Variants in NKAIN2 observed in about 807,000 individuals in gnomAD.
The protein encoded by NKAIN2 is sodium/potassium transporting ATPase interacting 2, also known as sodium/potassium-transporting ATPase subunit beta-1-interacting protein 2.
NKAIN2 carries 14 observed loss-of-function variants against 32.6 expected under a neutral mutation model. The observed-to-expected ratio is 0.43, with a 90% CI of 0.28 to 0.67. The LOEUF (loss-of-function observed/expected upper bound fraction) is 0.67. Among genes scored for constraint, NKAIN2 ranks in the 30% least tolerant of loss-of-function variants. NKAIN2 has a pLI of 0.17. For synonymous variants in NKAIN2, 80 were observed against 87.2 expected (o/e 0.92, Z 0.46); for missense variants, 198 against 258.3 (o/e 0.77, Z 1.60).
At chr6:124,721,958 C>A (rs2114634126) in intron 4 of NKAIN2, among the ~76,000 whole-genome samples, 1 of 152,250 alleles carries the variant, frequency 6.6e-6, no homozygotes, top group African/African-American at 2.4e-5. Context: ...ATTCTATGCC[C>A]ATAAAATAAC....
intron 3 of NKAIN2, among the ~76,000 whole-genome samples, chr6:124,458,857 A>G (rs1023489864): frequency 1.3e-5 from 2 of 151,864 alleles, no homozygotes; most frequent in Non-Finnish European, 1.5e-5. Flanking sequence ...AATTCTCACT[A>G]TAGTCATGAA....
At chr6:124,526,204 T>C (rs1779306714) in intron 3 of NKAIN2, among the ~76,000 whole-genome samples, 1 of 152,012 alleles carries the variant, frequency 6.6e-6, no homozygotes, top group Admixed American at 6.6e-5. Context: ...AGAGGAGTGG[T>C]TCTAAGAAAG....
chr6:124,465,407 G>A (rs970684798), intron 3 of NKAIN2, among the ~76,000 whole-genome samples: 3 of 151,866 alleles, frequency 2.0e-5, no homozygotes, highest in Non-Finnish European at 2.9e-5. Context: ...CCACATGTTC[G>A]CACTCATAAG....
At chr6:124,343,540 G>A (rs1583082424) in intron 2 of NKAIN2, among the ~76,000 whole-genome samples, 1 of 152,126 alleles carries the variant, frequency 6.6e-6, no homozygotes, top group East Asian at 1.9e-4. Context: ...GTGTGAGATG[G>A]TATCTCATTG....
chr6:124,266,343 T>G (rs929831587), intron 1 of NKAIN2, among the ~76,000 whole-genome samples: 2 of 152,174 alleles, frequency 1.3e-5, no homozygotes, highest in Admixed American at 6.5e-5. Flanking sequence ...AGTGGCATGA[T>G]CTTGGCTCAC....
In NKAIN2 at chr6:124,602,230, T is replaced by C. The variant is rs1253238567; in HGVS notation, c.274-55956T>C. 2.0e-5 allele frequency among the ~76,000 whole-genome samples: 3 copies of C among 151,998 alleles called. No homozygotes were observed. The East Asian group carries it at 5.8e-4, about 29-fold the overall frequency. ...TAATTTTAAACAGAGCTTCTATCAG[T>C]CCAGTCCATGCTTCCTACTAACTGC... On this transcript the variant is annotated intron_variant, in intron 3 of 6. Coordinates refer to ENST00000368417, the MANE Select transcript of NKAIN2 (RefSeq NM_001040214.3).
At chr6:124,514,211 T>C (rs911877473) in intron 3 of NKAIN2, among the ~76,000 whole-genome samples, 5 of 152,156 alleles carry the variant, frequency 3.3e-5, no homozygotes, top group African/African-American at 1.2e-4. Flanking sequence ...TTCAAAGTAG[T>C]TATTCTCGAC....
At chr6:124,425,586 A>C (rs555623939) in intron 3 of NKAIN2, among the ~76,000 whole-genome samples, 2 of 152,150 alleles carry the variant, frequency 1.3e-5, no homozygotes, top group Non-Finnish European at 2.9e-5. Context: ...TGAGGAATTT[A>C]TACAACACAG....
chr6:124,727,485 T>C (rs1032426218), intron 4 of NKAIN2, among the ~76,000 whole-genome samples: 1 of 149,752 alleles, frequency 6.7e-6, no homozygotes, highest in Admixed American at 6.6e-5. Context: ...AGAAATAAAA[T>C]ACTTTACAGA....
chr6:124,647,041 T>C (rs1784198323), intron 3 of NKAIN2, among the ~76,000 whole-genome samples: 1 of 151,930 alleles, frequency 6.6e-6, no homozygotes, highest in Admixed American at 6.6e-5. Flanking sequence ...AGAGTATATA[T>C]ATATGTCTTA....
intron 1 of NKAIN2, among the ~76,000 whole-genome samples, chr6:124,128,131 T>C (rs996482216): frequency 6.6e-6 from 1 of 152,032 alleles, no homozygotes; most frequent in Non-Finnish European, 1.5e-5. Context: ...GCCTGGCCCA[T>C]GGTTGCTATT....
intron 1 of NKAIN2, among the ~76,000 whole-genome samples, chr6:123,970,436 A>G (rs1778287310): frequency 6.6e-6 from 1 of 152,204 alleles, no homozygotes; most frequent in Admixed American, 6.5e-5. Flanking sequence ...AAATAGAGAC[A>G]TAATTTACCA....
chr6:124,714,127 G>T (rs943389041), intron 4 of NKAIN2, among the ~76,000 whole-genome samples: 6 of 152,132 alleles, frequency 3.9e-5, no homozygotes, highest in African/African-American at 1.2e-4. Context: ...TGTGCTTTAT[G>T]CACCCCTTCT....
At chr6:124,164,268 C>T (rs1471581142) in intron 1 of NKAIN2, among the ~76,000 whole-genome samples, 3 of 151,992 alleles carry the variant, frequency 2.0e-5, no homozygotes, top group Non-Finnish European at 2.9e-5. Context: ...CATATACCCA[C>T]GTTTCCCAAA....
intron 1 of NKAIN2, among the ~76,000 whole-genome samples, chr6:124,024,568 C>T (rs1320702048): frequency 6.6e-6 from 1 of 151,518 alleles, no homozygotes; most frequent in Admixed American, 6.6e-5. Flanking sequence ...CACTTAGGCT[C>T]ATTTTTTATA....
At chr6:124,155,874 G>C (rs780663807) in intron 1 of NKAIN2, among the ~76,000 whole-genome samples, 1 of 151,484 alleles carries the variant, frequency 6.6e-6, no homozygotes, top group Admixed American at 6.6e-5. Context: ...TTGTTTCCTT[G>C]GTTTTAAATT....
At chr6:124,226,167 TG>T (rs1792096793) in intron 1 of NKAIN2, among the ~76,000 whole-genome samples, 1 of 152,088 alleles carries the variant, frequency 6.6e-6, no homozygotes, top group Admixed American at 6.6e-5. Flanking sequence ...TTTTTTCCTA[TG>T]TAAGCTGTTA....
intron 1 of NKAIN2, among the ~76,000 whole-genome samples, chr6:124,037,407 T>C (rs1781651230): frequency 6.6e-6 from 1 of 152,176 alleles, no homozygotes; most frequent in Admixed American, 6.6e-5. Context: ...TTGAATGTCA[T>C]AAATTAGCAC....
At chr6:124,338,204 A>G (rs1797962646) in intron 2 of NKAIN2, among the ~76,000 whole-genome samples, 1 of 152,252 alleles carries the variant, frequency 6.6e-6, no homozygotes, top group Non-Finnish European at 1.5e-5. Flanking sequence ...GATGCTCTCC[A>G]CTCACTTTTC....
Sources: gnomAD v4.1 joint callset for allele counts (sites outside exome capture counted in the v4.1 genomes callset) on GRCh38, gnomAD v4.1.1 for gene constraint, MANE v1.5 for transcripts, NCBI Gene and HGNC (gene_info 2026-07-23, HGNC 2026-07-21) for gene names.